Variants in SEMA3A observed in about 807,000 individuals in gnomAD.
SEMA3A encodes the protein semaphorin 3A.
In SEMA3A, 29 loss-of-function variants were observed where a neutral mutation model predicts 97.9. The ratio of observed to expected loss-of-function variants is 0.30; its 90% CI spans 0.22 to 0.40. The LOEUF (loss-of-function observed/expected upper bound fraction) is 0.40. Among genes scored for constraint, SEMA3A ranks in the 10% least tolerant of loss-of-function variants. SEMA3A has a pLI of 1.00. For missense variants in SEMA3A, 763 were observed against 951.3 expected, an observed-to-expected ratio of 0.80 and a Z score of 2.60; for synonymous variants, 321 against 323.7, an observed-to-expected ratio of 0.99 and a Z score of 0.09.
At chr7:84,130,804 C>A (rs943947188) in intron 2 of SEMA3A, among the ~76,000 whole-genome samples, 1 of 152,028 alleles carries the variant, frequency 6.6e-6, no homozygotes, top group African/African-American at 2.4e-5. Flanking sequence ...TTAAGATTTA[C>A]TGACTTTCAT....
chr7:84,021,575 T>C (rs1791331266), intron 6 of SEMA3A, among the ~76,000 whole-genome samples: 1 of 152,212 alleles, frequency 6.6e-6, no homozygotes, highest in African/African-American at 2.4e-5. Context: ...CACACAAACC[T>C]TTCCCTGGCA....
intron 2 of SEMA3A, among the ~76,000 whole-genome samples, chr7:84,356,296 C>T (rs1173030623): frequency 6.6e-6 from 1 of 151,532 alleles, no homozygotes; most frequent in Non-Finnish European, 1.5e-5. Context: ...GTGGTTATGA[C>T]AGCTAATTAT....
intron 1 of SEMA3A, among the ~76,000 whole-genome samples, chr7:84,464,834 T>C (rs982017096): frequency 1.3e-5 from 2 of 152,194 alleles, no homozygotes; most frequent in African/African-American, 4.8e-5. Flanking sequence ...CTTTTCATAA[T>C]ATAGTCGGTA....
At chr7:84,112,409 A>G (rs546159640) in intron 3 of SEMA3A, among the ~76,000 whole-genome samples, 2 of 152,312 alleles carry the variant, frequency 1.3e-5, no homozygotes, top group East Asian at 3.9e-4. Context: ...TCTGCATGCC[A>G]TGCCTTTAAA....
chr7:84,023,984 C>T (rs1287153867), intron 6 of SEMA3A, among the ~76,000 whole-genome samples: 2 of 148,736 alleles, frequency 1.3e-5, no homozygotes, highest in Non-Finnish European at 1.5e-5. Context: ...TGCACTCTAG[C>T]CTGGGCAACG....
intron 7 of SEMA3A, 61 bp from the exon 8 acceptor site, chr7:84,011,358 C>A: frequency 9.5e-7 from 1 of 1,051,246 alleles, no homozygotes. Flanking sequence ...TGAAACATTT[C>A]TATTTTCTTC....
chr7:84,413,146 A>G (rs931750723), intron 1 of SEMA3A, among the ~76,000 whole-genome samples: 10 of 152,192 alleles, frequency 6.6e-5, no homozygotes, highest in African/African-American at 2.2e-4. Flanking sequence ...ACTTCTATGT[A>G]GGAACTTACC....
At chr7:84,350,228 T>C (rs1802404004) in intron 2 of SEMA3A, among the ~76,000 whole-genome samples, 1 of 152,184 alleles carries the variant, frequency 6.6e-6, no homozygotes, top group South Asian at 2.1e-4. Flanking sequence ...TCATTATCTT[T>C]GTTCATTCTA....
intron 1 of SEMA3A, among the ~76,000 whole-genome samples, chr7:84,394,106 AC>A: frequency 6.6e-6 from 1 of 152,116 alleles, no homozygotes; most frequent in Admixed American, 6.6e-5. Flanking sequence ...AGCTATGGAA[AC>A]TATTTATCAC....
chr7:84,345,595 T>C (rs1207465635), intron 2 of SEMA3A, among the ~76,000 whole-genome samples: 1 of 152,208 alleles, frequency 6.6e-6, no homozygotes, highest in Non-Finnish European at 1.5e-5. Context: ...ATCACAGCAT[T>C]GTCACCAGGA....
intron 6 of SEMA3A, among the ~76,000 whole-genome samples, chr7:84,023,051 T>G (rs541040604): frequency 1.3e-5 from 2 of 152,334 alleles, no homozygotes; most frequent in African/African-American, 4.8e-5. Flanking sequence ...ATCCCACAGA[T>G]GGCATTTCTT....
At chr7:84,444,093 C>T (rs1371560266) in intron 1 of SEMA3A, among the ~76,000 whole-genome samples, 3 of 151,906 alleles carry the variant, frequency 2.0e-5, no homozygotes, top group Admixed American at 2.0e-4. Flanking sequence ...ACCATGTTGG[C>T]CAGGCTGGTC....
intron 12 of SEMA3A, among the ~76,000 whole-genome samples, chr7:83,996,002 T>C (rs1192157171): frequency 6.6e-6 from 1 of 152,198 alleles, no homozygotes; most frequent in Non-Finnish European, 1.5e-5. Context: ...AAAATACATG[T>C]GTTATCAACG....
intron 4 of SEMA3A, among the ~76,000 whole-genome samples, chr7:84,108,907 C>T: frequency 3.9e-5 from 1 of 25,940 alleles, no homozygotes; most frequent in African/African-American, 1.3e-4. Context: ...TCCATACTCA[C>T]AAGAAAAAAA....
chr7:84,332,994 A>G (rs1256524500), intron 2 of SEMA3A, among the ~76,000 whole-genome samples: 3 of 152,126 alleles, frequency 2.0e-5, no homozygotes, highest in Non-Finnish European at 4.4e-5. Context: ...TAAGACTGGT[A>G]TCTTTAATAA....
chr7:84,361,643 T>C (rs934026127), intron 2 of SEMA3A, among the ~76,000 whole-genome samples: 4 of 152,032 alleles, frequency 2.6e-5, no homozygotes, highest in Non-Finnish European at 5.9e-5. Context: ...TTACTAATGA[T>C]ACCCTAATTA....
At chr7:84,456,480 T>G (rs1252963408) in intron 1 of SEMA3A, among the ~76,000 whole-genome samples, 1 of 151,846 alleles carries the variant, frequency 6.6e-6, no homozygotes, top group Non-Finnish European at 1.5e-5. Flanking sequence ...CATTTAACTT[T>G]GAATGGGCCA....
intron 2 of SEMA3A, among the ~76,000 whole-genome samples, chr7:84,327,750 A>T (rs752771457): frequency 7.2e-5 from 11 of 152,010 alleles, no homozygotes; most frequent in Non-Finnish European, 1.6e-4. Context: ...TAATGCAAGT[A>T]ATGTGGCATT....
At chr7:84,160,517 C>T (rs1302938017) in intron 1 of SEMA3A, among the ~76,000 whole-genome samples, 1 of 151,994 alleles carries the variant, frequency 6.6e-6, no homozygotes, top group Non-Finnish European at 1.5e-5. Flanking sequence ...CCACTGCACT[C>T]CAGCCTGGGT....
Sources: allele counts gnomAD v4.1 joint callset (sites outside exome capture counted in the v4.1 genomes callset), GRCh38; gene constraint gnomAD v4.1.1; transcripts MANE v1.5; gene names NCBI Gene and HGNC (gene_info 2026-07-23, HGNC 2026-07-21).